The following LRP1B variants were observed in gnomAD, a reference collection of about 807,000 sequenced individuals.
LRP1B encodes the protein low-density lipoprotein receptor-related protein 1B.
A neutral mutation model predicts 556.6 loss-of-function variants in LRP1B; 217 were observed. That is an observed-to-expected ratio of 0.39 (90% CI 0.35 to 0.44). LRP1B has a LOEUF of 0.44. Among genes scored for constraint, LRP1B ranks in the 20% least tolerant of loss-of-function variants. The pLI, the probability that LRP1B is intolerant of heterozygous loss-of-function variation, is 1.00. For synonymous variants in LRP1B, 2,047 were observed against 1,865.8 expected (o/e 1.10, Z -2.50); for missense variants, 5,053 against 5,620.8 (o/e 0.90, Z 3.23).
intron 1 of LRP1B, among the ~76,000 whole-genome samples, chr2:141,913,815 T>A (rs762475844): frequency 1.3e-5 from 2 of 152,026 alleles, no homozygotes; most frequent in Admixed American, 6.6e-5. Flanking sequence ...GGCGTGATCT[T>A]GGCTGACTGC....
At chr2:141,695,667 A>G (rs986677768) in intron 2 of LRP1B, among the ~76,000 whole-genome samples, 2 of 151,928 alleles carry the variant, frequency 1.3e-5, no homozygotes, top group African/African-American at 2.4e-5. Flanking sequence ...AATTATCCTC[A>G]CCACAAAAAC....
intron 32 of LRP1B, among the ~76,000 whole-genome samples, chr2:140,807,874 C>T (rs576694637): frequency 3.3e-5 from 5 of 151,154 alleles, no homozygotes; most frequent in South Asian, 2.1e-4. Flanking sequence ...GGTGGATCAC[C>T]TGTGGTCAGG....
intron 3 of LRP1B, among the ~76,000 whole-genome samples, chr2:141,471,944 C>T (rs1375464226): frequency 6.6e-6 from 1 of 152,130 alleles, no homozygotes; most frequent in Non-Finnish European, 1.5e-5. Context: ...GCTACCAGGG[C>T]CTATAAATAT....
At chr2:140,317,220 G>A (rs1044835188) in intron 82 of LRP1B, among the ~76,000 whole-genome samples, 3 of 152,132 alleles carry the variant, frequency 2.0e-5, no homozygotes, top group African/African-American at 7.2e-5. Context: ...CAAAGGTAAT[G>A]TGGTGTCTTG....
chr2:141,142,371 TACAG>T (rs1216208612), intron 7 of LRP1B, among the ~76,000 whole-genome samples: 2 of 152,178 alleles, frequency 1.3e-5, no homozygotes, highest in Non-Finnish European at 2.9e-5. Flanking sequence ...TATAGCCACT[TACAG>T]ACAAAAACTT....
intron 58 of LRP1B, among the ~76,000 whole-genome samples, chr2:140,486,141 AT>A (rs946807327): frequency 6.6e-6 from 1 of 152,062 alleles, no homozygotes; most frequent in African/African-American, 2.4e-5. Context: ...TATATATAAA[AT>A]GATCAACAAT....
intron 32 of LRP1B, among the ~76,000 whole-genome samples, chr2:140,784,843 TA>T (rs1288152546): frequency 4.6e-5 from 7 of 151,668 alleles, no homozygotes; most frequent in Admixed American, 2.6e-4. Context: ...AGGAAGGAAA[TA>T]AACAGAAAAT....
At chr2:141,621,869 T>C (rs1161620808) in intron 2 of LRP1B, among the ~76,000 whole-genome samples, 2 of 152,086 alleles carry the variant, frequency 1.3e-5, no homozygotes, top group African/African-American at 4.8e-5. Flanking sequence ...TATTCATTAC[T>C]ATCTCTCTTT....
At chr2:140,451,581 CTGA>C (rs1686888042) in intron 62 of LRP1B, among the ~76,000 whole-genome samples, 1 of 152,050 alleles carries the variant, frequency 6.6e-6, no homozygotes, top group South Asian at 2.1e-4. Context: ...ATAAAGATTC[CTGA>C]ACACTGAAAA....
At chr2:140,241,024 C>A (rs1050869784) in intron 87 of LRP1B, among the ~76,000 whole-genome samples, 1 of 150,880 alleles carries the variant, frequency 6.6e-6, no homozygotes, top group South Asian at 2.1e-4. Context: ...TTTAGAACTT[C>A]GAGAAATAAC....
chr2:141,200,353 G>C lies in LRP1B; in HGVS notation c.851-11770C>G, dbSNP rs114714160. Reference sequence around the variant, plus strand: ...GAATGATGAGAACACATGGACACATGAGGTGGAGGGAACAATGCACTGAGG... The same window carrying C: ...GAATGATGAGAACACATGGACACATCAGGTGGAGGGAACAATGCACTGAGG... On this transcript the variant is annotated intron_variant, in intron 6 of 90. Transcript: ENST00000389484. Among the ~76,000 whole-genome samples, 834 of 152,250 alleles carry C rather than the reference G, an allele frequency of 5.5e-3. 11 individuals carry two copies. Among genetic ancestry groups the C allele is most frequent in the African/African-American group, 0.019 (787 of 41,538 alleles).
At chr2:141,970,815 T>C (rs1701708648) in intron 1 of LRP1B, among the ~76,000 whole-genome samples, 1 of 151,508 alleles carries the variant, frequency 6.6e-6, no homozygotes, top group Non-Finnish European at 1.5e-5. Context: ...TGAAGTTAAA[T>C]CAGAGCTCTC....
chr2:141,293,376 A>G (rs1197818495), intron 3 of LRP1B, among the ~76,000 whole-genome samples: 1 of 152,170 alleles, frequency 6.6e-6, no homozygotes, highest in Non-Finnish European at 1.5e-5. Context: ...GGTTTAGGGT[A>G]TGCCATTTGC....
chr2:140,869,652 T>G (rs1246966606), intron 25 of LRP1B, among the ~76,000 whole-genome samples: 3 of 152,074 alleles, frequency 2.0e-5, no homozygotes, highest in Non-Finnish European at 4.4e-5. Flanking sequence ...ATTCAAAATA[T>G]AATTTGAAGG....
chr2:140,744,526 C>A (rs1688255133), intron 35 of LRP1B, among the ~76,000 whole-genome samples: 1 of 152,144 alleles, frequency 6.6e-6, no homozygotes, highest in Non-Finnish European at 1.5e-5. Flanking sequence ...TACTTGTCAG[C>A]CGGCTCACAG....
intron 1 of LRP1B, among the ~76,000 whole-genome samples, chr2:142,087,443 A>G (rs1358891107): frequency 6.6e-6 from 1 of 151,936 alleles, no homozygotes; most frequent in East Asian, 1.9e-4. Context: ...CAAAAAGGCA[A>G]GCTATTTCAG....
At chr2:141,036,071 C>T (rs1698524966) in intron 11 of LRP1B, among the ~76,000 whole-genome samples, 1 of 151,994 alleles carries the variant, frequency 6.6e-6, no homozygotes, top group African/African-American at 2.4e-5. Context: ...CAATAATCTA[C>T]AAGATCACAA....
chr2:140,293,127 T>C (rs1240001248), intron 84 of LRP1B, among the ~76,000 whole-genome samples: 1 of 152,176 alleles, frequency 6.6e-6, no homozygotes, highest in East Asian at 1.9e-4. Context: ...ACTTTGAAAG[T>C]ATCAGTGAGA....
chr2:141,047,722 A>G (rs944397599), intron 11 of LRP1B, among the ~76,000 whole-genome samples: 2 of 152,034 alleles, frequency 1.3e-5, no homozygotes, highest in East Asian at 1.9e-4. Context: ...CTCTTGTGCC[A>G]TTATTATCTG....
Sources: allele counts gnomAD v4.1 joint callset (sites outside exome capture counted in the v4.1 genomes callset), GRCh38; gene constraint gnomAD v4.1.1; transcripts MANE v1.5; gene names NCBI Gene and HGNC (gene_info 2026-07-23, HGNC 2026-07-21).